Variants in PTPRT observed in about 807,000 individuals in gnomAD.
The protein encoded by PTPRT is protein tyrosine phosphatase receptor type T.
In PTPRT, 56 loss-of-function variants were observed where a neutral mutation model predicts 176.8. The ratio of observed to expected loss-of-function variants is 0.32; its 90% CI spans 0.26 to 0.40. PTPRT has a LOEUF of 0.40. PTPRT is among the 10% of genes least tolerant of loss of function. The pLI is 1.00. For synonymous variants in PTPRT, 783 were observed against 739.0 expected, an observed-to-expected ratio of 1.06 and a Z score of -0.96; for missense variants, 1,540 against 1,908.2, an observed-to-expected ratio of 0.81 and a Z score of 3.60.
At chr20:42,623,866 GT>G (rs2074243563) in intron 7 of PTPRT, among the ~76,000 whole-genome samples, 1 of 151,782 alleles carries the variant, frequency 6.6e-6, no homozygotes, top group African/African-American at 2.4e-5. Flanking sequence ...GTCCCTTTCT[GT>G]TTTCTTCCTC....
chr20:42,405,645 A>G (rs534656988), intron 9 of PTPRT, among the ~76,000 whole-genome samples: 124 of 152,330 alleles, frequency 8.1e-4, no homozygotes, highest in Admixed American at 2.7e-3. Context: ...TAGTGCCGCA[A>G]TAAACATATG....
rs145627302 is a variant in PTPRT at position 43,179,308 on chromosome 20, T to C, written c.88+10338A>G. Among the ~76,000 whole-genome samples the C allele has an allele frequency of 3.3e-5, 5 of 152,362 alleles. No homozygotes were observed. The East Asian group carries it at 9.6e-4, about 29-fold the overall frequency. ...TACGTGTTTACATCAGACTTTTTAATTGCTATAACTTATCATATTCTCTAT... is the reference window on the plus strand; with the variant it reads ...TACGTGTTTACATCAGACTTTTTAACTGCTATAACTTATCATATTCTCTAT... On this transcript the variant is annotated intron_variant, in intron 1 of 30. Transcript: ENST00000373187.
chr20:42,921,271 A>G (rs1275003684), intron 1 of PTPRT, among the ~76,000 whole-genome samples: 2 of 152,210 alleles, frequency 1.3e-5, no homozygotes, highest in Non-Finnish European at 2.9e-5. Flanking sequence ...TTCTTTCAAA[A>G]TAAGAAGGTA....
At chr20:42,725,750 A>C (rs2076369411) in intron 6 of PTPRT, among the ~76,000 whole-genome samples, 1 of 152,024 alleles carries the variant, frequency 6.6e-6, no homozygotes, top group South Asian at 2.1e-4. Context: ...ATTGTGGGAG[A>C]CAGTGTTGCA....
intron 6 of PTPRT, among the ~76,000 whole-genome samples, chr20:42,709,612 T>C (rs1166228688): frequency 6.6e-6 from 1 of 152,162 alleles, no homozygotes; most frequent in African/African-American, 2.4e-5. Context: ...TATTCCTTTA[T>C]AGCAATGTAA....
rs377574130 is a variant in PTPRT at position 42,579,133 on chromosome 20, C to T, written c.1153+98733G>A. 3.4e-5 allele frequency among the ~76,000 whole-genome samples: 5 copies of T among 146,222 alleles called. No homozygotes were observed. The East Asian group carries it at 8.2e-4, about 24-fold the overall frequency. ...TCCATGTGTTCTCATTGATCAATTC[C>T]CACCTATGAGTGAGAATATGCGGTG... is the stretch of plus-strand genomic sequence containing the variant. On this transcript the variant is annotated intron_variant, in intron 7 of 30. Transcript: ENST00000373187.
At chr20:42,289,784 G>A (rs1405947307) in intron 12 of PTPRT, among the ~76,000 whole-genome samples, 1 of 152,028 alleles carries the variant, frequency 6.6e-6, no homozygotes, top group Non-Finnish European at 1.5e-5. Context: ...GCAGGAAAAT[G>A]AGCCATTTCC....
intron 1 of PTPRT, among the ~76,000 whole-genome samples, chr20:43,094,857 A>G (rs954497731): frequency 1.3e-5 from 2 of 152,210 alleles, no homozygotes; most frequent in African/African-American, 2.4e-5. Context: ...GATTACAGAC[A>G]GGCTGTGGAA....
chr20:42,331,426 T>C (rs2145436129), intron 11 of PTPRT, among the ~76,000 whole-genome samples: 1 of 152,264 alleles, frequency 6.6e-6, no homozygotes, highest in Non-Finnish European at 1.5e-5. Flanking sequence ...ACAGTTTTTT[T>C]TTTTTTAAAT....
chr20:42,350,590 A>G (rs1394979648), intron 11 of PTPRT, 38 bp downstream of exon 11: 1 of 1,501,234 alleles, frequency 6.7e-7, no homozygotes, highest in Non-Finnish European at 9.3e-7. Context: ...GGCACAGAGA[A>G]GAAAAACTGC....
intron 6 of PTPRT, among the ~76,000 whole-genome samples, chr20:42,680,482 G>A (rs1231853087): frequency 6.6e-6 from 1 of 152,212 alleles, no homozygotes. Flanking sequence ...CTTTGTGCAT[G>A]TTAAATATAT....
intron 3 of PTPRT, among the ~76,000 whole-genome samples, chr20:42,790,572 C>T (rs968973883): frequency 2.0e-5 from 3 of 152,168 alleles, no homozygotes; most frequent in Admixed American, 2.0e-4. Context: ...GGCTGATCTC[C>T]CTGTCTGTCC....
intron 7 of PTPRT, among the ~76,000 whole-genome samples, chr20:42,583,720 T>TTC (rs1263316037): frequency 1.3e-5 from 2 of 152,210 alleles, no homozygotes; most frequent in African/African-American, 4.8e-5. Context: ...AAATATTCTA[T>TTC]TATGTAAATG....
intron 6 of PTPRT, among the ~76,000 whole-genome samples, chr20:42,721,507 T>C (rs2146232782): frequency 6.6e-6 from 1 of 152,242 alleles, no homozygotes. Context: ...GAGGGAGCAG[T>C]CGGGCTGGCC....
At chr20:42,394,680 A>G (rs1455469400) in intron 9 of PTPRT, among the ~76,000 whole-genome samples, 1 of 152,230 alleles carries the variant, frequency 6.6e-6, no homozygotes, top group African/African-American at 2.4e-5. Context: ...TTTGTTACTT[A>G]GAGCTGATTA....
intron 1 of PTPRT, among the ~76,000 whole-genome samples, chr20:43,148,359 A>G (rs2014237721): frequency 6.6e-6 from 1 of 152,032 alleles, no homozygotes; most frequent in African/African-American, 2.4e-5. Context: ...TTTCAACCCC[A>G]TCCCCAACTT....
Position 42,183,516 on chromosome 20 carries a change from A to G in PTPRT, c.2491+15724T>C, listed in dbSNP as rs75243182. 1.3e-3 allele frequency among the ~76,000 whole-genome samples: 192 copies of G among 152,368 alleles called. 3 individuals are homozygous for G. Among genetic ancestry groups the G allele is most frequent in the African/African-American group, 4.4e-3 (183 of 41,594 alleles). On this transcript the variant is annotated intron_variant, in intron 16 of 30. Coordinates refer to ENST00000373187, the MANE Select transcript of PTPRT (RefSeq NM_007050.6). ...TAAAATGTGCAGAGACCACAAAACT[A>G]CTTGCTTGTAATAGCAGAATTATCA...
intron 7 of PTPRT, among the ~76,000 whole-genome samples, chr20:42,667,642 T>G (rs933795626): frequency 6.6e-6 from 1 of 152,186 alleles, no homozygotes; most frequent in Non-Finnish European, 1.5e-5. Flanking sequence ...TTAGAAGAAG[T>G]TGAGGGATTA....
At chr20:42,711,756 C>T (rs1006193455) in intron 6 of PTPRT, among the ~76,000 whole-genome samples, 4 of 151,126 alleles carry the variant, frequency 2.6e-5, no homozygotes, top group African/African-American at 9.7e-5. Context: ...TTTTTTCTAG[C>T]CTCGGACTTA....
Sources: gnomAD v4.1 joint callset for allele counts (sites outside exome capture counted in the v4.1 genomes callset) on GRCh38, gnomAD v4.1.1 for gene constraint, MANE v1.5 for transcripts, NCBI Gene and HGNC (gene_info 2026-07-23, HGNC 2026-07-21) for gene names.